The following DOCK4 variants were observed in gnomAD, a reference collection of about 807,000 sequenced individuals.
DOCK4 encodes dedicator of cytokinesis protein 4.
A neutral mutation model predicts 268.1 loss-of-function variants in DOCK4; 97 were observed. That is an observed-to-expected ratio of 0.36 (90% confidence interval 0.31 to 0.43). The LOEUF (loss-of-function observed/expected upper bound fraction) is 0.43, where lower values mean the gene tolerates loss of function less well. DOCK4 is among the 20% of genes least tolerant of loss of function. The pLI is 1.00. For synonymous variants in DOCK4, 954 were observed against 887.2 expected, an observed-to-expected ratio of 1.08 and a Z score of -1.34; for missense variants, 2,145 against 2,455.7, an observed-to-expected ratio of 0.87 and a Z score of 2.67.
intron 30 of DOCK4, among the ~76,000 whole-genome samples, chr7:111,805,440 G>A (rs1006388940): frequency 6.6e-6 from 1 of 152,150 alleles, no homozygotes; most frequent in Non-Finnish European, 1.5e-5. Context: ...CAGACAAGTT[G>A]TTATGTAATT....
At chr7:112,107,175 G>C (rs1279854768) in intron 1 of DOCK4, among the ~76,000 whole-genome samples, 2 of 152,186 alleles carry the variant, frequency 1.3e-5, no homozygotes, top group Non-Finnish European at 2.9e-5. Context: ...AAGGAAAGAG[G>C]AGAAGACATG....
At chr7:112,098,164 C>A (rs1810323682) in intron 1 of DOCK4, among the ~76,000 whole-genome samples, 1 of 152,056 alleles carries the variant, frequency 6.6e-6, no homozygotes, top group African/African-American at 2.4e-5. Context: ...GAAATTATAT[C>A]AATTTTTTAT....
intron 13 of DOCK4, among the ~76,000 whole-genome samples, chr7:111,911,685 C>T (rs75400884): frequency 0.066 from 10,113 of 152,278 alleles, 481 homozygotes; most frequent in Middle Eastern, 0.19. Context: ...CACAGCAGAT[C>T]CCAGACAATT....
At chr7:111,858,181 C>A (rs1253896586) in intron 23 of DOCK4, among the ~76,000 whole-genome samples, 3 of 152,136 alleles carry the variant, frequency 2.0e-5, no homozygotes, top group Non-Finnish European at 4.4e-5. Context: ...ACATTTCATT[C>A]CCTTCTTTGG....
At chr7:111,927,622 T>G (rs377498476) in intron 12 of DOCK4, among the ~76,000 whole-genome samples, 21 of 152,352 alleles carry the variant, frequency 1.4e-4, no homozygotes, top group African/African-American at 4.3e-4. Flanking sequence ...GAGGACTATG[T>G]CTAGGTTTTT....
At chr7:111,804,705 T>C (rs1800543325) in intron 30 of DOCK4, among the ~76,000 whole-genome samples, 1 of 151,992 alleles carries the variant, frequency 6.6e-6, no homozygotes, top group African/African-American at 2.4e-5. Flanking sequence ...ATTCAAGCAA[T>C]TCTCCTGCCT....
chr7:112,161,390 G>C (rs556617083), intron 1 of DOCK4, among the ~76,000 whole-genome samples: 1 of 152,298 alleles, frequency 6.6e-6, no homozygotes, highest in Admixed American at 6.5e-5. Flanking sequence ...CAGACACATA[G>C]TAATGGGAAG....
intron 11 of DOCK4, among the ~76,000 whole-genome samples, chr7:111,938,543 C>T (rs1033791135): frequency 2.0e-5 from 3 of 152,126 alleles, no homozygotes; most frequent in East Asian, 3.9e-4. Flanking sequence ...TAGGCCTCAA[C>T]GTCCAAGCCT....
At chr7:111,854,120 G>A (rs1804812593) in intron 23 of DOCK4, among the ~76,000 whole-genome samples, 2 of 151,818 alleles carry the variant, frequency 1.3e-5, no homozygotes, top group South Asian at 2.1e-4. Context: ...TAGTAAGGGA[G>A]GAGACCACCC....
Position 111,863,469 on chromosome 7 carries a change from G to T in DOCK4, c.2376C>A (p.Gly792=). ...EVANLVQDTL[G]SLPTILHVDD... is the part of the protein sequence containing the mutation. ...CCACATGCAGGATGGTCGGCAGACT[G>T]CCCAGGGTGTCCTGGACCAAGTTGG... Residue 792 remains glycine (G), a synonymous_variant, in exon 23 of 53, where the codon GGC becomes GGA. Transcript: ENST00000428084. The T allele has an allele frequency of 6.2e-7, 1 of 1,613,990 alleles. No individual in the cohort carries two copies. Among genetic ancestry groups the T allele is most frequent in the South Asian group, 1.1e-5 (1 of 91,076 alleles).
chr7:111,817,990 T>A (rs1801685994), intron 27 of DOCK4, among the ~76,000 whole-genome samples: 1 of 152,212 alleles, frequency 6.6e-6, no homozygotes, highest in Non-Finnish European at 1.5e-5. Context: ...TCTGTCCACA[T>A]CACCACCAAC....
At chr7:112,073,785 A>G (rs1225293464) in intron 1 of DOCK4, among the ~76,000 whole-genome samples, 1 of 152,168 alleles carries the variant, frequency 6.6e-6, no homozygotes, top group Non-Finnish European at 1.5e-5. Context: ...TACTGGGAGA[A>G]GTTGGTTAAC....
chr7:112,066,697 A>ATGTATGTGTG (rs1563052205), intron 1 of DOCK4, among the ~76,000 whole-genome samples: 13 of 23,002 alleles, frequency 5.7e-4, no homozygotes, highest in African/African-American at 1.8e-3. Context: ...ATACATATAT[A>ATGTATGTGTG]TATATATATA....
intron 1 of DOCK4, among the ~76,000 whole-genome samples, chr7:112,069,480 G>C (rs1284688576): frequency 6.6e-6 from 1 of 152,096 alleles, no homozygotes; most frequent in Admixed American, 6.6e-5. Context: ...GGAAGACTTA[G>C]AGAAAACTGG....
At chr7:112,127,206 T>C (rs1362755332) in intron 1 of DOCK4, among the ~76,000 whole-genome samples, 1 of 151,804 alleles carries the variant, frequency 6.6e-6, no homozygotes, top group Non-Finnish European at 1.5e-5. Context: ...GTGGCACATA[T>C]ACACCATGGA....
intron 1 of DOCK4, among the ~76,000 whole-genome samples, chr7:112,104,594 C>T (rs745831919): frequency 1.3e-5 from 2 of 152,146 alleles, no homozygotes; most frequent in East Asian, 1.9e-4. Flanking sequence ...CTTCCCACCC[C>T]GCCTCATCTC....
chr7:111,784,053 C>A (rs778820349), intron 33 of DOCK4, 44 bp downstream of exon 33: 6 of 1,578,124 alleles, frequency 3.8e-6, no homozygotes, highest in Non-Finnish European at 8.6e-7. Flanking sequence ...TTAGCAACCA[C>A]TGCAACATCT....
At chr7:111,728,760 T>C in intron 52 of DOCK4, 40 bp from the exon 53 acceptor site, 1 of 1,550,834 alleles carries the variant, frequency 6.4e-7, no homozygotes, top group Non-Finnish European at 8.7e-7. Flanking sequence ...GACACAGCAT[T>C]GAGTCGTGAA....
At chr7:112,130,173 C>T (rs1813674145) in intron 1 of DOCK4, among the ~76,000 whole-genome samples, 1 of 152,116 alleles carries the variant, frequency 6.6e-6, no homozygotes, top group African/African-American at 2.4e-5. Flanking sequence ...AAGCTGCAGG[C>T]CTGGACAGCA....
Sources: allele counts gnomAD v4.1 joint callset (sites outside exome capture counted in the v4.1 genomes callset), GRCh38; gene constraint gnomAD v4.1.1; transcripts MANE v1.5; gene names NCBI Gene and HGNC (gene_info 2026-07-23, HGNC 2026-07-21).